Variants in SMG6 observed in about 807,000 individuals in gnomAD.
SMG6 encodes the protein telomerase-binding protein EST1A.
SMG6 carries 66 observed loss-of-function variants against 142.2 expected under a neutral mutation model. The ratio of observed to expected loss-of-function variants is 0.46; its 90% CI spans 0.38 to 0.57. The LOEUF (loss-of-function observed/expected upper bound fraction) is 0.57, where lower values mean the gene tolerates loss of function less well. Ranked by LOEUF, SMG6 falls within the 20% of genes least tolerant of loss-of-function variation. The pLI, the probability that SMG6 is intolerant of heterozygous loss-of-function variation, is 0.00. For missense variants in SMG6, 1,793 were observed against 1,832.0 expected (o/e 0.98, Z 0.39); for synonymous variants, 779 against 702.4 (o/e 1.11, Z -1.72).
rs2151434780 is a variant in SMG6 at position 2,085,104 on chromosome 17, G to A, written c.3534+621C>T. ...GACTATTGCAGGGGCGGGTACACAGGCTCATGCATGTGCATGCGCGTGCGC... is the reference window on the plus strand; with the variant it reads ...GACTATTGCAGGGGCGGGTACACAGACTCATGCATGTGCATGCGCGTGCGC... On this transcript the variant is annotated intron_variant, in intron 14 of 18. Transcript: ENST00000263073. This position sits in a 1 kb window ranked among gnomAD's most constrained non-coding sequence, Gnocchi z 4.1. 6.6e-6 allele frequency among the ~76,000 whole-genome samples: 1 copy of A among 152,236 alleles called. No individual in the cohort carries two copies. The highest frequency in any genetic ancestry group is 2.4e-5 in the African/African-American group (1 of 41,534).
At chr17:2,230,890 G>C (rs1474962416) in intron 10 of SMG6, among the ~76,000 whole-genome samples, 1 of 152,100 alleles carries the variant, frequency 6.6e-6, no homozygotes, top group Non-Finnish European at 1.5e-5. Flanking sequence ...TCTAAACTGA[G>C]GCATCCTGAA....
At chr17:2,236,363 A>C in intron 10 of SMG6, 129 bp downstream of exon 10, 5 of 734,254 alleles carry the variant, frequency 6.8e-6, no homozygotes, top group African/African-American at 2.1e-5. Context: ...TAGGAAGCGT[A>C]GGGTAGGGTG....
Position 2,242,967 on chromosome 17 carries a change from A to C in SMG6, c.2723+1691T>G, listed in dbSNP as rs553903731. Among the ~76,000 whole-genome samples, 3 of 152,286 alleles carry C rather than the reference A, an allele frequency of 2.0e-5. No individual in the cohort carries two copies. The East Asian group carries it at 5.8e-4, about 29-fold the overall frequency. On this transcript the variant is annotated intron_variant, in intron 9 of 18. Coordinates refer to ENST00000263073, the MANE Select transcript of SMG6 (RefSeq NM_017575.5). ...TTATAATTCATTCATTTGTACAACA[A>C]ATACTACATGCCAGGCTCTAGGAAC... is the stretch of plus-strand genomic sequence containing the variant.
At chr17:2,285,425 TC>T (rs1288729813) in intron 6 of SMG6, among the ~76,000 whole-genome samples, 4 of 151,968 alleles carry the variant, frequency 2.6e-5, no homozygotes, top group Non-Finnish European at 4.4e-5. Context: ...AAAATTTAAT[TC>T]AAATGACAAA....
In SMG6 at chr17:2,278,697, C is replaced by T. The variant is rs908648270; in HGVS notation, c.2661+3950G>A. ...TAGTACCTAAATGACTAATGTTTGA[C>T]GTGACAGACATTCTAAATACCGATT... On this transcript the variant is annotated intron_variant, in intron 8 of 18. Coordinates refer to ENST00000263073, the MANE Select transcript of SMG6 (RefSeq NM_017575.5). Among the ~76,000 whole-genome samples the T allele has an allele frequency of 4.6e-5, 7 of 152,042 alleles. No individual in the cohort carries two copies. The East Asian group carries it at 5.8e-4, about 13-fold the overall frequency.
At chr17:2,268,560 G>GAAGTGGGCAGA (rs1280618829) in intron 8 of SMG6, among the ~76,000 whole-genome samples, 9 of 151,464 alleles carry the variant, frequency 5.9e-5, no homozygotes, top group Non-Finnish European at 1.0e-4. Context: ...ATCACTAGAG[G>GAAGTGGGCAGA]TCAGGAGTTT....
chr17:2,290,229 A>C (rs1411795543), intron 6 of SMG6, among the ~76,000 whole-genome samples: 1 of 152,200 alleles, frequency 6.6e-6, no homozygotes, highest in Non-Finnish European at 1.5e-5. Context: ...GACATAAATA[A>C]AGTTACAGGA....
chr17:2,102,216 ATT>A (rs1567599331), intron 13 of SMG6, among the ~76,000 whole-genome samples: 1 of 152,182 alleles, frequency 6.6e-6, no homozygotes, highest in African/African-American at 2.4e-5. Flanking sequence ...GACAATTTAT[ATT>A]TGTGTTTATT....
At chr17:2,158,045 A>C (rs571536419) in intron 13 of SMG6, among the ~76,000 whole-genome samples, 2 of 152,374 alleles carry the variant, frequency 1.3e-5, no homozygotes, top group Admixed American at 1.3e-4. Flanking sequence ...TTAAGGGAGT[A>C]ATAAAAAGGG....
intron 8 of SMG6, among the ~76,000 whole-genome samples, chr17:2,259,196 T>A (rs1415749156): frequency 6.6e-6 from 1 of 151,806 alleles, no homozygotes; most frequent in African/African-American, 2.4e-5. Context: ...TCAGCTTTCT[T>A]TCACCGAGAG....
chr17:2,182,553 G>T (rs995857156), intron 12 of SMG6, among the ~76,000 whole-genome samples: 2 of 152,068 alleles, frequency 1.3e-5, no homozygotes, highest in African/African-American at 2.4e-5. Context: ...GGAAGAATCA[G>T]ACTACACAGT....
chr17:2,127,604 C>G (rs777687833), intron 13 of SMG6: 30 of 582,790 alleles, frequency 5.1e-5, no homozygotes, highest in Admixed American at 3.2e-4. Context: ...TGCAATGTCA[C>G]TATTTCTGTT....
intron 10 of SMG6, among the ~76,000 whole-genome samples, chr17:2,206,968 A>G (rs2072701605): frequency 6.6e-6 from 1 of 151,794 alleles, no homozygotes; most frequent in African/African-American, 2.4e-5. Flanking sequence ...AAGATCTATA[A>G]AACTAAATTA....
intron 2 of SMG6, 141 bp downstream of exon 2, chr17:2,298,765 C>T: frequency 2.7e-6 from 2 of 731,648 alleles, no homozygotes; most frequent in South Asian, 2.0e-5. Context: ...GTTCTGTTTC[C>T]AACTGCCCTT....
chr17:2,107,426 T>C (rs1211257507), intron 13 of SMG6, among the ~76,000 whole-genome samples: 5 of 152,232 alleles, frequency 3.3e-5, no homozygotes, highest in Non-Finnish European at 5.9e-5. Context: ...GCAGTGTATC[T>C]GGCTCCTGGT....
Position 2,236,388 on chromosome 17 carries a change from T to TG in SMG6, c.2869+103dup. On this transcript the variant is annotated intron_variant, in intron 10 of 18. Coordinates refer to ENST00000263073, the MANE Select transcript of SMG6 (RefSeq NM_017575.5). ...AGGGTAGGGTGTGTGTGTTCGGGGG[T>TG]GGGGTGGGGGGAGGTAGGTATGGTA... is the stretch of plus-strand genomic sequence containing the variant. 7 of 1,035,420 alleles carry TG rather than the reference T, an allele frequency of 6.8e-6. No individual in the cohort carries two copies. The South Asian group carries it at 1.2e-4, about 17-fold the overall frequency. 64.1% of individuals were successfully genotyped at this position (1,035,420 alleles called of 1,614,324 possible). A position where few individuals can be genotyped will look rare whatever the true frequency, so the allele number is the denominator to read the frequency against.
At chr17:2,164,757 C>T (rs1262441019) in intron 13 of SMG6, among the ~76,000 whole-genome samples, 6 of 151,444 alleles carry the variant, frequency 4.0e-5, no homozygotes, top group East Asian at 2.0e-4. Flanking sequence ...GCTAACATGG[C>T]AAAACCCCAT....
At chr17:2,065,997 A>AC in intron 16 of SMG6, 1 of 385,062 alleles carries the variant, frequency 2.6e-6, no homozygotes, top group East Asian at 5.4e-5. Flanking sequence ...TGGTTACAGG[A>AC]CTCACGTGAA....
chr17:2,241,695 T>C (rs559276600), intron 9 of SMG6, among the ~76,000 whole-genome samples: 3 of 152,194 alleles, frequency 2.0e-5, no homozygotes, highest in Non-Finnish European at 4.4e-5. Context: ...CCGGTCATTA[T>C]CTCGCTTTTT....
Sources: gnomAD v4.1 joint callset for allele counts (sites outside exome capture counted in the v4.1 genomes callset) on GRCh38, gnomAD v4.1.1 for gene constraint, Gnocchi (gnomAD v3.1) non-coding constraint, MANE v1.5 for transcripts, NCBI Gene and HGNC (gene_info 2026-07-23, HGNC 2026-07-21) for gene names.